HHLA1: variants seen among roughly 807,000 people sequenced by gnomAD.
HHLA1 encodes HERV-H LTR-associating protein 1.
A neutral mutation model predicts 69.9 loss-of-function variants in HHLA1; 72 were observed. The observed-to-expected ratio is 1.03, with a 90% CI of 0.85 to 1.25. HHLA1 has a LOEUF of 1.25. Among genes scored for constraint, HHLA1 ranks in the 50% most tolerant of loss-of-function variants. HHLA1 has a pLI of 0.00. For synonymous variants in HHLA1, 252 were observed against 233.2 expected (o/e 1.08, Z -0.73); for missense variants, 685 against 642.2 (o/e 1.07, Z -0.72).
At chr8:132,101,047 C>G (rs1824103167) in intron 3 of HHLA1, among the ~76,000 whole-genome samples, 1 of 152,044 alleles carries the variant, frequency 6.6e-6, no homozygotes, top group African/African-American at 2.4e-5. Context: ...AGGAAAGAAG[C>G]TGGTACAAAA....
intron 7 of HHLA1, among the ~76,000 whole-genome samples, chr8:132,092,676 C>T (rs961917441): frequency 6.6e-6 from 1 of 152,206 alleles, no homozygotes; most frequent in Non-Finnish European, 1.5e-5. Flanking sequence ...TCCCCAGAAG[C>T]TGAGCAGAAG....
Position 132,077,907 on chromosome 8 carries a change from C to A in HHLA1, c.990G>T (p.Ser330=). The change falls in exon 12 of 17, where the codon TCG becomes TCT. Residue 330 remains serine (S), a synonymous_variant. Transcript: ENST00000414222. ...TGATGGTCTGAGCCCAGGGCACGGACGATATGGAAGCCCACGTCTGTCTGT... is the reference window on the plus strand; with the variant it reads ...TGATGGTCTGAGCCCAGGGCACGGAAGATATGGAAGCCCACGTCTGTCTGT... ...TADRQTWASI[S]SVPWAQTISE... is the part of the protein sequence containing the mutation. 6.4e-7 allele frequency: 1 copy of A among 1,551,522 alleles called. No individual in the cohort carries two copies.
intron 10 of HHLA1, among the ~76,000 whole-genome samples, chr8:132,084,246 G>A (rs1440693538): frequency 6.6e-6 from 1 of 152,030 alleles, no homozygotes. Context: ...GGGTGGAGGA[G>A]CGGAGGCTGA....
intron 11 of HHLA1, among the ~76,000 whole-genome samples, chr8:132,078,819 T>A (rs1823690374): frequency 6.6e-6 from 1 of 152,180 alleles, no homozygotes; most frequent in Admixed American, 6.5e-5. Flanking sequence ...ATGAATGAAT[T>A]CTGATGACTG....
chr8:132,087,038 G>A (rs1190391536), intron 10 of HHLA1, among the ~76,000 whole-genome samples: 1 of 152,206 alleles, frequency 6.6e-6, no homozygotes, highest in African/African-American at 2.4e-5. Context: ...GTAACGTAGA[G>A]TCCAAATGAC....
chr8:132,079,811 T>G lies in HHLA1; in HGVS notation c.832A>C (p.Thr278Pro). The change falls in exon 11 of 17, where the codon ACA becomes CCA. Residue 278 changes from threonine to proline, a missense_variant. By Grantham distance (38) the Thr-to-Pro change is conservative (BLOSUM62 -1). Transcript: ENST00000414222. ...CTGCCTGTGTTCAGGGTCTCCTCTG[T>G]TTCTGAAGGAGCAGCTGTCTCTGTC... ...PWTETAAPSE[T>P]EETLNTGRPP... 2 of 1,551,728 alleles carry G rather than the reference T, an allele frequency of 1.3e-6. No individual in the cohort carries two copies. The highest frequency in any genetic ancestry group is 1.7e-6 in the Non-Finnish European group (2 of 1,146,996).
At chr8:132,092,402 T>A (rs1327988160) in intron 7 of HHLA1, among the ~76,000 whole-genome samples, 2 of 152,170 alleles carry the variant, frequency 1.3e-5, no homozygotes, top group Non-Finnish European at 2.9e-5. Flanking sequence ...TGGATCTGTG[T>A]CCTTGCCCAA....
At chr8:132,065,265 C>A (rs1488565601) in intron 16 of HHLA1, among the ~76,000 whole-genome samples, 1 of 152,158 alleles carries the variant, frequency 6.6e-6, no homozygotes, top group South Asian at 2.1e-4. Context: ...TTGCATTTTT[C>A]CTTCAGTCAA....
At chr8:132,080,915 A>G (rs1823741567) in intron 10 of HHLA1, 1 of 152,102 alleles carries the variant, frequency 6.6e-6, no homozygotes. Flanking sequence ...TTTGTTGTAT[A>G]GAATGATAGG....
chr8:132,063,983 A>G lies in HHLA1; in HGVS notation c.*12T>C. The G allele has an allele frequency of 1.5e-6, 2 of 1,294,612 alleles. No individual in the cohort carries two copies. The highest frequency in any genetic ancestry group is 2.0e-6 in the Non-Finnish European group (2 of 981,084). The allele number at this position is 1,294,612 out of a possible 1,614,324, so 80.2% of individuals were successfully genotyped here. A position where few individuals can be genotyped will look rare whatever the true frequency, so the allele number is the denominator to read the frequency against. On this transcript the variant is annotated 3_prime_UTR_variant, in exon 17 of 17. Transcript: ENST00000414222. ...GAAGTAATTGTTATGCCCTAGTGTT[A>G]TTTTCAAGGCCTCACACAGACTTGC...
chr8:132,105,454 C>T (rs1378614633), intron 1 of HHLA1, among the ~76,000 whole-genome samples, 168 bp from the exon 2 acceptor site: 1 of 152,210 alleles, frequency 6.6e-6, no homozygotes, highest in Non-Finnish European at 1.5e-5. Context: ...ATTTAATTGG[C>T]TTAACAAGAA....
intron 12 of HHLA1, among the ~76,000 whole-genome samples, chr8:132,076,750 A>G (rs1823652207): frequency 6.6e-6 from 1 of 152,172 alleles, no homozygotes; most frequent in Non-Finnish European, 1.5e-5. Context: ...CATTACTGTG[A>G]TACAGCGTGA....
chr8:132,104,193 G>T, intron 2 of HHLA1, 26 bp from the exon 3 acceptor site: 1 of 1,501,668 alleles, frequency 6.7e-7, no homozygotes. Flanking sequence ...TTTAATCACA[G>T]AAATTATAAC....
intron 10 of HHLA1, among the ~76,000 whole-genome samples, chr8:132,083,601 C>T (rs2130886649): frequency 6.6e-6 from 1 of 152,258 alleles, no homozygotes; most frequent in East Asian, 1.9e-4. Flanking sequence ...GTTGAACAGT[C>T]CGATTTTCAG....
intron 15 of HHLA1, among the ~76,000 whole-genome samples, chr8:132,068,291 C>A (rs190381585): frequency 4.6e-5 from 7 of 152,176 alleles, no homozygotes; most frequent in African/African-American, 1.4e-4. Context: ...GTACACCGCT[C>A]TCAGGATGAA....
chr8:132,097,783 T>G (rs1422732524), intron 5 of HHLA1, among the ~76,000 whole-genome samples: 2 of 152,218 alleles, frequency 1.3e-5, no homozygotes, highest in Non-Finnish European at 2.9e-5. Flanking sequence ...GCTATATCTC[T>G]GTAATTTACA....
At chr8:132,102,534 C>T (rs1412147832) in intron 3 of HHLA1, among the ~76,000 whole-genome samples, 1 of 152,234 alleles carries the variant, frequency 6.6e-6, no homozygotes, top group South Asian at 2.1e-4. Context: ...GAGGCCACTG[C>T]ACCCCCTCAG....
intron 12 of HHLA1, 98 bp downstream of exon 12, chr8:132,077,628 G>A: frequency 8.4e-7 from 1 of 1,186,182 alleles, no homozygotes; most frequent in Middle Eastern, 2.0e-4. Context: ...AGTTTTCTGT[G>A]TGTGTATTAT....
Position 132,100,486 on chromosome 8 carries a change from C to A in HHLA1, c.140-352G>T, listed in dbSNP as rs942787092. Among the ~76,000 whole-genome samples, 18 of 152,308 alleles carry A rather than the reference C, an allele frequency of 1.2e-4. No individual in the cohort carries two copies. The South Asian group carries it at 1.7e-3, about 14-fold the overall frequency. ...AGCAATGGTAATAAAGGGTTCAGAA[C>A]CTACTTTCTAGAACTGTAGAGCAGT... On this transcript the variant is annotated intron_variant, in intron 3 of 16. Coordinates refer to ENST00000414222, the MANE Select transcript of HHLA1 (RefSeq NM_001145095.3).
Sources: allele counts gnomAD v4.1 joint callset (sites outside exome capture counted in the v4.1 genomes callset), GRCh38; gene constraint gnomAD v4.1.1; transcripts MANE v1.5; gene names NCBI Gene and HGNC (gene_info 2026-07-23, HGNC 2026-07-21).